PHACTR1: variants seen among roughly 807,000 people sequenced by gnomAD.
The protein encoded by PHACTR1 is phosphatase and actin regulator 1.
PHACTR1 carries 16 observed loss-of-function variants against 69.2 expected under a neutral mutation model. The observed-to-expected ratio is 0.23, with a 90% CI of 0.16 to 0.35. PHACTR1 has a LOEUF of 0.35. Among genes scored for constraint, PHACTR1 ranks in the 10% least tolerant of loss-of-function variants. The pLI, the probability that PHACTR1 is intolerant of heterozygous loss-of-function variation, is 1.00. For synonymous variants in PHACTR1, 312 were observed against 284.5 expected, an observed-to-expected ratio of 1.10 and a Z score of -0.97; for missense variants, 510 against 734.7, an observed-to-expected ratio of 0.69 and a Z score of 3.54.
At chr6:13,170,443 G>A (rs1669782547) in intron 6 of PHACTR1, among the ~76,000 whole-genome samples, 1 of 152,134 alleles carries the variant, frequency 6.6e-6, no homozygotes, top group Admixed American at 6.6e-5. Flanking sequence ...GGGCATCAAT[G>A]CCTCATCCAC....
intron 4 of PHACTR1, among the ~76,000 whole-genome samples, chr6:12,891,973 T>C (rs892916752): frequency 3.9e-5 from 6 of 152,248 alleles, no homozygotes; most frequent in African/African-American, 1.4e-4. Context: ...AAGGCTGCTA[T>C]TAGCAATTCC....
intron 10 of PHACTR1, among the ~76,000 whole-genome samples, chr6:13,232,703 G>GTCTT (rs1771408875): frequency 1.3e-5 from 2 of 152,142 alleles, no homozygotes; most frequent in Non-Finnish European, 2.9e-5. Flanking sequence ...CAATGATCCT[G>GTCTT]GCTTCCCCAA....
intron 10 of PHACTR1, among the ~76,000 whole-genome samples, chr6:13,256,808 T>G (rs1775251057): frequency 6.8e-6 from 1 of 146,686 alleles, no homozygotes; most frequent in Non-Finnish European, 1.5e-5. Context: ...TTTGAGCATT[T>G]TGGTCACAAG....
chr6:13,271,738 C>T (rs1057506345), intron 10 of PHACTR1, among the ~76,000 whole-genome samples: 10 of 151,452 alleles, frequency 6.6e-5, no homozygotes, highest in Non-Finnish European at 8.8e-5. Context: ...TTGGTAGAAC[C>T]GAAGAATGTG....
intron 4 of PHACTR1, among the ~76,000 whole-genome samples, chr6:12,995,130 C>T (rs1345078423): frequency 3.3e-5 from 5 of 151,784 alleles, no homozygotes; most frequent in African/African-American, 9.7e-5. Context: ...CAAGGTAGAA[C>T]TGAAAGCAAA....
chr6:13,084,528 A>G (rs1561806979), intron 5 of PHACTR1, among the ~76,000 whole-genome samples: 2 of 152,170 alleles, frequency 1.3e-5, no homozygotes, highest in African/African-American at 2.4e-5. Flanking sequence ...TATAATTAAA[A>G]AAAAGAATTA....
chr6:13,067,565 C>T (rs1315824283), intron 5 of PHACTR1, among the ~76,000 whole-genome samples: 1 of 152,148 alleles, frequency 6.6e-6, no homozygotes, highest in Non-Finnish European at 1.5e-5. Flanking sequence ...GTAGCATACT[C>T]GTCTTTGTAT....
At chr6:13,160,373 C>A in intron 6 of PHACTR1, 89 bp downstream of exon 6, 1 of 1,124,806 alleles carries the variant, frequency 8.9e-7, no homozygotes, top group South Asian at 1.3e-5. Flanking sequence ...TCATTTTCTG[C>A]ATCACCAGAT....
intron 6 of PHACTR1, among the ~76,000 whole-genome samples, chr6:13,164,211 T>G (rs1049975400): frequency 1.3e-5 from 2 of 152,162 alleles, no homozygotes; most frequent in South Asian, 4.1e-4. Context: ...TTCTATAATA[T>G]CATTCTTTTT....
intron 4 of PHACTR1, among the ~76,000 whole-genome samples, chr6:12,857,079 T>C (rs1780453546): frequency 6.6e-6 from 1 of 152,180 alleles, no homozygotes; most frequent in Non-Finnish European, 1.5e-5. Flanking sequence ...ACACAGAACC[T>C]GGAAAAAACA....
intron 4 of PHACTR1, among the ~76,000 whole-genome samples, chr6:12,947,341 C>G (rs77276162): frequency 7.0e-6 from 1 of 142,398 alleles, no homozygotes; most frequent in African/African-American, 2.6e-5. Flanking sequence ...AACTATTCTG[C>G]TTTTTTTTTT....
At chr6:13,193,097 C>T (rs559035939) in intron 7 of PHACTR1, among the ~76,000 whole-genome samples, 78 of 151,886 alleles carry the variant, frequency 5.1e-4, no homozygotes, top group African/African-American at 1.6e-3. Context: ...GTTCTCAGGC[C>T]GTACACTAAG....
At chr6:13,197,892 C>T (rs1583874160) in intron 7 of PHACTR1, among the ~76,000 whole-genome samples, 1 of 152,174 alleles carries the variant, frequency 6.6e-6, no homozygotes, top group East Asian at 1.9e-4. Flanking sequence ...AGGAATGCCT[C>T]TTTCAGGGGT....
chr6:13,046,651 C>CA (rs952158335), intron 4 of PHACTR1, among the ~76,000 whole-genome samples: 4 of 152,074 alleles, frequency 2.6e-5, no homozygotes, highest in Non-Finnish European at 4.4e-5. Flanking sequence ...TTTAACCAGG[C>CA]AACCTCTCTG....
At chr6:13,240,722 C>T (rs370172872) in intron 10 of PHACTR1, among the ~76,000 whole-genome samples, 3 of 152,172 alleles carry the variant, frequency 2.0e-5, no homozygotes, top group East Asian at 3.9e-4. Context: ...GCTGGGATTA[C>T]GGGCATGAAC....
chr6:12,829,037 C>T (rs779984392), intron 4 of PHACTR1, among the ~76,000 whole-genome samples: 12 of 152,022 alleles, frequency 7.9e-5, no homozygotes, highest in African/African-American at 2.9e-4. Flanking sequence ...ACATTATACA[C>T]GTGTATTGAA....
At chr6:13,265,925 T>C (rs1386679433) in intron 10 of PHACTR1, among the ~76,000 whole-genome samples, 1 of 152,146 alleles carries the variant, frequency 6.6e-6, no homozygotes, top group African/African-American at 2.4e-5. Flanking sequence ...ATATTGTCTA[T>C]ATTGCAGACT....
chr6:13,126,942 G>T (rs1819629667), intron 5 of PHACTR1, among the ~76,000 whole-genome samples: 1 of 152,160 alleles, frequency 6.6e-6, no homozygotes, highest in Non-Finnish European at 1.5e-5. Flanking sequence ...ATATAAGACA[G>T]AATCAACAGG....
chr6:13,132,638 A>G (rs746850275), intron 5 of PHACTR1, among the ~76,000 whole-genome samples: 16 of 152,114 alleles, frequency 1.1e-4, no homozygotes, highest in Non-Finnish European at 1.8e-4. Flanking sequence ...TTCTCAGTGC[A>G]TGTAACAGTT....
Sources: allele counts gnomAD v4.1 joint callset (sites outside exome capture counted in the v4.1 genomes callset), GRCh38; gene constraint gnomAD v4.1.1; transcripts MANE v1.5; gene names NCBI Gene and HGNC (gene_info 2026-07-23, HGNC 2026-07-21).